The following PRR16 variants were observed in gnomAD, a reference collection of about 807,000 sequenced individuals.
PRR16 encodes proline rich 16, also known as protein Largen.
PRR16 carries 6 observed loss-of-function variants against 18.2 expected under a neutral mutation model. The observed-to-expected ratio is 0.33, with a 90% confidence interval of 0.18 to 0.65. PRR16 has a LOEUF of 0.65. Ranked by LOEUF, PRR16 falls within the 30% of genes least tolerant of loss-of-function variation. The pLI is 0.74. For missense variants in PRR16, 412 were observed against 376.6 expected (o/e 1.09, Z -0.78); for synonymous variants, 151 against 147.8 (o/e 1.02, Z -0.16).
intron 1 of PRR16, among the ~76,000 whole-genome samples, chr5:120,662,602 C>T (rs1259154154): frequency 2.0e-5 from 3 of 152,110 alleles, no homozygotes; most frequent in Non-Finnish European, 4.4e-5. Context: ...TCTTTTCTCC[C>T]CTTCCGCACA....
chr5:120,702,931 G>A, the PRR16 span, among the ~76,000 whole-genome samples: 1 of 152,152 alleles, frequency 6.6e-6, no homozygotes, highest in East Asian at 1.9e-4. Context: ...CCCAAGGGAG[G>A]TCCCCCGATC....
intron 1 of PRR16, among the ~76,000 whole-genome samples, chr5:120,657,722 C>T (rs191258357): frequency 2.8e-3 from 428 of 151,976 alleles, no homozygotes; most frequent in Middle Eastern, 0.01. Context: ...CCAAACTCTC[C>T]TGTTTATTCT....
the PRR16 span, among the ~76,000 whole-genome samples, chr5:120,700,946 T>G: frequency 6.6e-6 from 1 of 152,142 alleles, no homozygotes; most frequent in East Asian, 1.9e-4. Flanking sequence ...CCAGGTGAGT[T>G]GAACAGTCCA....
intron 1 of PRR16, among the ~76,000 whole-genome samples, chr5:120,620,189 G>A (rs536674613): frequency 5.9e-5 from 9 of 152,226 alleles, no homozygotes; most frequent in African/African-American, 7.2e-5. Context: ...CAAGATTGTG[G>A]AATTCCATAA....
the PRR16 span, chr5:120,781,315 A>G: frequency 6.6e-6 from 1 of 152,314 alleles, no homozygotes; most frequent in Admixed American, 6.5e-5. Context: ...TATGTGACAT[A>G]GAAGCATTTA....
chr5:120,467,830 A>G (rs1248590409), intron 1 of PRR16, among the ~76,000 whole-genome samples: 1 of 152,154 alleles, frequency 6.6e-6, no homozygotes, highest in African/African-American at 2.4e-5. Flanking sequence ...CAGAAATAAT[A>G]TGGGTCCTTT....
chr5:120,499,486 C>T (rs760515225), intron 1 of PRR16, among the ~76,000 whole-genome samples: 1 of 152,016 alleles, frequency 6.6e-6, no homozygotes, highest in Non-Finnish European at 1.5e-5. Flanking sequence ...ATTTCTACTT[C>T]TATTGTTATA....
the PRR16 span, among the ~76,000 whole-genome samples, chr5:120,706,371 T>C: frequency 6.6e-6 from 1 of 151,938 alleles, no homozygotes; most frequent in Non-Finnish European, 1.5e-5. Context: ...TATGTTAATA[T>C]TGAAGACCCT....
chr5:120,768,084 AG>A, the PRR16 span, among the ~76,000 whole-genome samples: 1 of 151,998 alleles, frequency 6.6e-6, no homozygotes, highest in East Asian at 1.9e-4. Flanking sequence ...ACCTACTCCC[AG>A]CCCAAATCAA....
At chr5:120,507,624 A>C (rs1012802621) in intron 1 of PRR16, among the ~76,000 whole-genome samples, 2 of 152,062 alleles carry the variant, frequency 1.3e-5, no homozygotes, top group South Asian at 2.1e-4. Flanking sequence ...ACTCATATTC[A>C]GTGTTTTTGT....
chr5:120,788,350 A>G, the PRR16 span, among the ~76,000 whole-genome samples: 1 of 152,094 alleles, frequency 6.6e-6, no homozygotes, highest in South Asian at 2.1e-4. Context: ...GAAGACTCCC[A>G]TATTACATAA....
chr5:120,759,039 C>A, the PRR16 span, among the ~76,000 whole-genome samples: 1 of 140,792 alleles, frequency 7.1e-6, no homozygotes, highest in Non-Finnish European at 1.5e-5. Context: ...TGCAGTGGCA[C>A]AATCTCAGCT....
intron 1 of PRR16, among the ~76,000 whole-genome samples, chr5:120,621,960 C>G (rs1754704258): frequency 6.6e-6 from 1 of 152,150 alleles, no homozygotes. Flanking sequence ...TGTATTATTT[C>G]AGTTCCATTT....
At chr5:120,533,532 A>C (rs1027953397) in intron 1 of PRR16, among the ~76,000 whole-genome samples, 1 of 152,188 alleles carries the variant, frequency 6.6e-6, no homozygotes, top group African/African-American at 2.4e-5. Context: ...TAATTGTGGA[A>C]AAGATGATAC....
In PRR16 at chr5:120,559,209, A is replaced by G. The variant is rs182641171; in HGVS notation, c.159+94564A>G. 3.1e-3 allele frequency among the ~76,000 whole-genome samples: 473 copies of G among 152,034 alleles called. 5 individuals carry two copies. Among genetic ancestry groups the G allele is most frequent in the South Asian group, 0.012 (57 of 4,830 alleles). ...TGTCTATGCTTGTGGGATATTACTC[A>G]AGAAATTTTTGCCCAAGCCAATGTC... On this transcript the variant is annotated intron_variant, in intron 1 of 1. Transcript: ENST00000407149.
the PRR16 span, among the ~76,000 whole-genome samples, chr5:120,747,563 A>G: frequency 0.1 from 15,768 of 152,166 alleles, 1,035 homozygotes; most frequent in African/African-American, 0.18. Flanking sequence ...AAAAAGGAGC[A>G]ACATTGTGTG....
intron 1 of PRR16, among the ~76,000 whole-genome samples, chr5:120,507,334 G>A (rs1750678989): frequency 6.6e-6 from 1 of 151,986 alleles, no homozygotes; most frequent in Admixed American, 6.6e-5. Context: ...CATTTTTGAT[G>A]GAATATGTAC....
At chr5:120,575,698 T>C (rs1561553623) in intron 1 of PRR16, among the ~76,000 whole-genome samples, 1 of 152,166 alleles carries the variant, frequency 6.6e-6, no homozygotes, top group South Asian at 2.1e-4. Context: ...TCATACGGAA[T>C]GGGGAAAAGC....
chr5:120,653,162 A>G (rs187920142), intron 1 of PRR16, among the ~76,000 whole-genome samples: 188 of 152,038 alleles, frequency 1.2e-3, no homozygotes, highest in African/African-American at 4.2e-3. Context: ...AAGGAGCACA[A>G]GGTGTTTTCT....
Sources: allele counts gnomAD v4.1 joint callset (sites outside exome capture counted in the v4.1 genomes callset), GRCh38; gene constraint gnomAD v4.1.1; transcripts MANE v1.5; gene names NCBI Gene and HGNC (gene_info 2026-07-23, HGNC 2026-07-21).